Variants in TET2 observed in about 807,000 individuals in gnomAD.
TET2 encodes methylcytosine dioxygenase TET2.
In TET2, 299 loss-of-function variants were observed where a neutral mutation model predicts 142.9. That is an observed-to-expected ratio of 2.09 (90% confidence interval 1.90 to 2.30). The LOEUF is 2.30. Ranked by LOEUF, TET2 falls within the 30% of genes most tolerant of loss-of-function variation. TET2 has a pLI of 0.00. For synonymous variants in TET2, 819 were observed against 849.0 expected (o/e 0.96, Z 0.61); for missense variants, 2,418 against 2,378.0 (o/e 1.02, Z -0.35).
intron 7 of TET2, among the ~76,000 whole-genome samples, chr4:105,261,331 A>C (rs1730415775): frequency 6.6e-6 from 1 of 152,092 alleles, no homozygotes. Context: ...CTATGGAGAG[A>C]TCATTCCAAA....
chr4:105,183,207 C>A (rs374075184), intron 1 of TET2, among the ~76,000 whole-genome samples: 25 of 151,996 alleles, frequency 1.6e-4, no homozygotes, highest in Admixed American at 5.2e-4. Flanking sequence ...CATTACTCCC[C>A]AGAAACCATT....
intron 8 of TET2, among the ~76,000 whole-genome samples, chr4:105,269,187 C>A (rs1169580206): frequency 6.6e-6 from 1 of 152,076 alleles, no homozygotes. Context: ...AAAAGGTAAT[C>A]TTGACCCTTA....
At position 105,235,514 on chromosome 4, in the gene TET2, G is replaced by A. The variant is rs1471734269; in HGVS notation, c.1572G>A (p.Glu524=). The A allele has an allele frequency of 6.2e-7, 1 of 1,614,152 alleles. No individual in the cohort carries two copies. The highest frequency in any genetic ancestry group is 1.7e-5 in the Admixed American group (1 of 60,008). ...HNPPIFGSSG[E]LQDNCQQLMR... The stretch of plus-strand genomic sequence containing the variant: ...CACCAATTTTTGGTAGCAGTGGAGA[G>A]CTACAGGACAACTGCCAGCAGTTGA... The change falls in exon 3 of 11, where the codon GAG becomes GAA. Residue 524 remains glutamate, a synonymous_variant. Transcript: ENST00000380013.
At chr4:105,177,435 A>T (rs1198974134) in intron 1 of TET2, among the ~76,000 whole-genome samples, 1 of 152,264 alleles carries the variant, frequency 6.6e-6, no homozygotes, top group Non-Finnish European at 1.5e-5. Context: ...CAACAGTTTG[A>T]AAATGAACAA....
At chr4:105,245,113 C>A (rs552076678) in intron 6 of TET2, among the ~76,000 whole-genome samples, 4 of 152,286 alleles carry the variant, frequency 2.6e-5, no homozygotes, top group African/African-American at 9.6e-5. Flanking sequence ...AACACAGTTT[C>A]TCTCTCTGGG....
intron 1 of TET2, among the ~76,000 whole-genome samples, chr4:105,150,371 C>T (rs1723238422): frequency 6.6e-6 from 1 of 152,168 alleles, no homozygotes; most frequent in African/African-American, 2.4e-5. Flanking sequence ...ATAGTCTTAT[C>T]TAGCAATTTC....
chr4:105,266,690 T>C (rs1015547951), intron 8 of TET2, among the ~76,000 whole-genome samples: 19 of 152,010 alleles, frequency 1.2e-4, no homozygotes, highest in Admixed American at 8.5e-4. Flanking sequence ...CTTGAAGACA[T>C]AGTAATAGAA....
intron 6 of TET2, 143 bp downstream of exon 6, chr4:105,243,921 G>A: frequency 1.4e-6 from 1 of 704,386 alleles, no homozygotes; most frequent in South Asian, 1.8e-5. Context: ...CATGCGATAA[G>A]AAGTTGTATT....
Position 105,235,355 on chromosome 4 carries a change from C to T in TET2, c.1413C>T (p.Ser471=), listed in dbSNP as rs770373456. The change falls in exon 3 of 11, where the codon AGC becomes AGT. Residue 471 remains serine (S), a synonymous_variant. Transcript: ENST00000380013. ...QSPNPSTHVC[S]PSPMLSERPQ... ...CTAATCCATCTACACATGTATGCAG[C>T]CCTTCTCCGATGCTTTCTGAAAGGC... 9 of 1,614,034 alleles carry T rather than the reference C, an allele frequency of 5.6e-6. No individual in the cohort carries two copies. The highest frequency in any genetic ancestry group is 5.9e-6 in the Non-Finnish European group (7 of 1,180,018).
At chr4:105,233,736 A>G (rs1728648132) in intron 2 of TET2, among the ~76,000 whole-genome samples, 161 bp from the exon 3 acceptor site, 1 of 152,206 alleles carries the variant, frequency 6.6e-6, no homozygotes, top group Non-Finnish European at 1.5e-5. Context: ...AGTAGCTGTC[A>G]GTTGTCACTA....
At chr4:105,192,794 T>G (rs1725861596) in intron 2 of TET2, among the ~76,000 whole-genome samples, 3 of 152,026 alleles carry the variant, frequency 2.0e-5, no homozygotes. Flanking sequence ...GTGCTAAGTT[T>G]TAAAAATGTA....
chr4:105,191,347 G>A (rs1725775931), intron 2 of TET2, among the ~76,000 whole-genome samples: 1 of 152,180 alleles, frequency 6.6e-6, no homozygotes, highest in East Asian at 1.9e-4. Flanking sequence ...ATATATGCAT[G>A]TATAGAAGTA....
At chr4:105,250,906 A>T (rs1729841630) in intron 6 of TET2, among the ~76,000 whole-genome samples, 1 of 151,192 alleles carries the variant, frequency 6.6e-6, no homozygotes, top group Non-Finnish European at 1.5e-5. Flanking sequence ...GGTCTCAAAC[A>T]CCTGGCCTCA....
chr4:105,174,474 A>C (rs1272301579), intron 1 of TET2, among the ~76,000 whole-genome samples: 1 of 152,250 alleles, frequency 6.6e-6, no homozygotes. Context: ...GATCTGTCAG[A>C]AAAATGAGAT....
rs1268965598 is a variant in TET2, at chr4:105,235,377, A to G, written c.1435A>G (p.Arg479Gly). ...CAGCCCTTCTCCGATGCTTTCTGAA[A>G]GGCCTCAGAATAATTGTGTGAACAG... is the stretch of plus-strand genomic sequence containing the variant. ...VCSPSPMLSE[R>G]PQNNCVNRND... Residue 479 changes from arginine (R) to glycine (G), a missense_variant, in exon 3 of 11, where the codon AGG becomes GGG. Arg to Gly is a moderately radical substitution (Grantham distance 125). Transcript: ENST00000380013. 6.2e-7 allele frequency: 1 copy of G among 1,614,192 alleles called. No individual in the cohort carries two copies. Among genetic ancestry groups the G allele is most frequent in the South Asian group, 1.1e-5 (1 of 91,080 alleles).
At chr4:105,265,008 A>G (rs1466861212) in intron 8 of TET2, among the ~76,000 whole-genome samples, 5 of 152,302 alleles carry the variant, frequency 3.3e-5, no homozygotes, top group Non-Finnish European at 2.9e-5. Flanking sequence ...CTCAACTTAA[A>G]TGTCCTTTCT....
chr4:105,235,650 C>T lies in TET2; in HGVS notation c.1708C>T (p.Pro570Ser), dbSNP rs779420187. ...LKPGWIELKA[P>S]RFHQAESHLK... ...ACCAGGATGGATTGAATTGAAGGCC[C>T]CTCGTTTTCACCAAGCGGAATCCCA... Residue 570 changes from proline to serine, a missense_variant, in exon 3 of 11, where the codon CCT becomes TCT. Coordinates refer to ENST00000380013, the MANE Select transcript of TET2 (RefSeq NM_001127208.3). The T allele has an allele frequency of 6.2e-7, 1 of 1,614,108 alleles. No homozygotes were observed. The highest frequency in any genetic ancestry group is 1.1e-5 in the South Asian group (1 of 91,084).
At position 105,236,259 on chromosome 4, in the gene TET2, G is replaced by C. The variant is rs1365697583; in HGVS notation, c.2317G>C (p.Gly773Arg). Residue 773 changes from glycine to arginine, a missense_variant, in exon 3 of 11, where the codon GGA becomes CGA. Physicochemically the swap from Gly to Arg is moderately radical, Grantham distance 125. Coordinates refer to ENST00000380013, the MANE Select transcript of TET2 (RefSeq NM_001127208.3). The stretch of plus-strand genomic sequence containing the variant: ...AAGCAACAATGATCAGCAAAGAGAA[G>C]GATCATTCTTTGGCCAGACTAAAGT... ...PQSNNDQQREGSFFGQTKVEE... is the reference protein window; with the variant it reads ...PQSNNDQQRERSFFGQTKVEE... 6.2e-7 allele frequency: 1 copy of C among 1,613,942 alleles called. No homozygotes were observed. Among genetic ancestry groups the C allele is most frequent in the Non-Finnish European group, 8.5e-7 (1 of 1,180,010 alleles).
chr4:105,190,375 G>T lies in TET2; in HGVS notation c.-177G>T, dbSNP rs2110480773. ...TCTTCTCTAGGCTGGCAAACATTCA[G>T]CAGCACACCCTCTCAAGATTGTTTA... On this transcript the variant is annotated 5_prime_UTR_variant, in exon 2 of 11. Coordinates refer to ENST00000380013, the MANE Select transcript of TET2 (RefSeq NM_001127208.3). 3.0e-6 allele frequency: 2 copies of T among 676,970 alleles called. No homozygotes were observed. Among genetic ancestry groups the T allele is most frequent in the South Asian group, 3.2e-5 (2 of 62,658 alleles). The allele number at this position is 676,970 out of a possible 1,614,324, so 41.9% of individuals were successfully genotyped here.
Sources: allele counts gnomAD v4.1 joint callset (sites outside exome capture counted in the v4.1 genomes callset), GRCh38; gene constraint gnomAD v4.1.1; transcripts MANE v1.5; gene names NCBI Gene and HGNC (gene_info 2026-07-23, HGNC 2026-07-21).